The following ASAP1 variants were observed in gnomAD, a reference collection of about 807,000 sequenced individuals.
ASAP1 encodes ArfGAP with SH3 domain, ankyrin repeat and PH domain 1.
Under a neutral mutation model 145.2 loss-of-function variants are expected in ASAP1, and 43 were observed. The observed-to-expected ratio is 0.30, with a 90% confidence interval of 0.23 to 0.38. ASAP1 has a LOEUF of 0.38. Ranked by LOEUF, ASAP1 falls within the 10% of genes least tolerant of loss-of-function variation. The probability of loss-of-function intolerance (pLI) is 1.00; values close to 1 mark genes in which losing one functional copy is unlikely to be tolerated. For missense variants in ASAP1, 1,018 were observed against 1,355.3 expected (o/e 0.75, Z 3.91); for synonymous variants, 546 against 515.5 (o/e 1.06, Z -0.80).
intron 1 of ASAP1, among the ~76,000 whole-genome samples, chr8:130,436,957 T>A (rs1830333175): frequency 6.6e-6 from 1 of 151,560 alleles, no homozygotes; most frequent in South Asian, 2.1e-4. Context: ...ATACAAAAAT[T>A]AGCCAGGCGT....
At chr8:130,161,612 C>T (rs2097669409) in intron 11 of ASAP1, among the ~76,000 whole-genome samples, 1 of 152,138 alleles carries the variant, frequency 6.6e-6, no homozygotes, top group African/African-American at 2.4e-5. Context: ...CAAGCTGACT[C>T]ACATTAAAGA....
chr8:130,265,573 T>C (rs796912194), intron 3 of ASAP1, among the ~76,000 whole-genome samples: 49 of 119,500 alleles, frequency 4.1e-4, no homozygotes, highest in African/African-American at 1.5e-3. Context: ...ACCCTGTCTT[T>C]AAAAAAAAAA....
intron 1 of ASAP1, among the ~76,000 whole-genome samples, chr8:130,404,656 G>C (rs1828944682): frequency 6.6e-6 from 1 of 152,198 alleles, no homozygotes; most frequent in South Asian, 2.1e-4. Flanking sequence ...GACTGCATGA[G>C]TCTTCCCAGT....
In ASAP1 at chr8:130,196,690, T is replaced by C. The variant is rs192537453; in HGVS notation, c.406-8507A>G. On this transcript the variant is annotated intron_variant, in intron 5 of 29. Transcript: ENST00000518721. Reference sequence around the variant, plus strand: ...CTTGACATTCCCTCTCCACTGCCCATTGGTTCTCTCTCTCTCCATAACTGA... The same window carrying C: ...CTTGACATTCCCTCTCCACTGCCCACTGGTTCTCTCTCTCTCCATAACTGA... Among the ~76,000 whole-genome samples, 217 of 152,336 alleles carry C rather than the reference T, an allele frequency of 1.4e-3. 1 individual carries two copies. The highest frequency in any genetic ancestry group is 4.5e-3 in the African/African-American group (188 of 41,582).
chr8:130,267,127 A>AAAAAAACAAAAC (rs1161554842), intron 3 of ASAP1, among the ~76,000 whole-genome samples: 8 of 151,068 alleles, frequency 5.3e-5, no homozygotes, highest in African/African-American at 7.2e-5. Context: ...AACAAACAAA[A>AAAAAAACAAAAC]AAAAAACAAA....
At chr8:130,280,870 A>G (rs2137179739) in intron 3 of ASAP1, among the ~76,000 whole-genome samples, 1 of 152,230 alleles carries the variant, frequency 6.6e-6, no homozygotes, top group African/African-American at 2.4e-5. Context: ...CATTAATAGC[A>G]CCATTTCATT....
At chr8:130,286,240 T>C (rs192072127) in intron 3 of ASAP1, among the ~76,000 whole-genome samples, 1 of 152,318 alleles carries the variant, frequency 6.6e-6, no homozygotes. Flanking sequence ...TATAAAACAC[T>C]AGAAATAGGC....
chr8:130,231,664 G>A (rs1817915267), intron 4 of ASAP1, among the ~76,000 whole-genome samples: 1 of 152,212 alleles, frequency 6.6e-6, no homozygotes, highest in Middle Eastern at 3.2e-3. Context: ...CTGTACCTGT[G>A]TTGTGTGAGA....
chr8:130,253,224 T>A (rs1237149116), intron 3 of ASAP1, among the ~76,000 whole-genome samples: 2 of 152,190 alleles, frequency 1.3e-5, no homozygotes, highest in East Asian at 1.9e-4. Context: ...ACTACTTACA[T>A]GACCTGGGCC....
chr8:130,156,945 A>T lies in ASAP1; in HGVS notation c.1010+2919T>A, dbSNP rs567919337. On this transcript the variant is annotated intron_variant, in intron 12 of 29. Transcript: ENST00000518721. ...GAATTAGGCAATTCTAATTTCAAGA[A>T]GATCATTGTGATTTCGGGAGAGTAG... Among the ~76,000 whole-genome samples, 8 of 152,378 alleles carry T rather than the reference A, an allele frequency of 5.3e-5. No individual in the cohort carries two copies. The South Asian group carries it at 1.5e-3, about 28-fold the overall frequency.
At chr8:130,375,383 G>C (rs1827436418) in intron 2 of ASAP1, among the ~76,000 whole-genome samples, 1 of 150,942 alleles carries the variant, frequency 6.6e-6, no homozygotes, top group African/African-American at 2.4e-5. Flanking sequence ...GAGCAGCAGA[G>C]GAAAAAAAAA....
chr8:130,061,052 C>T lies in ASAP1; in HGVS notation c.2719G>A (p.Asp907Asn). Reference sequence around the variant, plus strand: ...GTGGCTTTGTCTAGGGAGAGATGATCTGTTTTCCTTAGTGCCACTGTGGAA... The same window carrying T: ...GTGGCTTTGTCTAGGGAGAGATGATTTGTTTTCCTTAGTGCCACTGTGGAA... ...LPQKVALRKT[D>N]HLSLDKATIP... Residue 907 changes from aspartate (D) to asparagine (N), a missense_variant, in exon 28 of 30, where the codon GAT becomes AAT. Coordinates refer to ENST00000518721, the MANE Select transcript of ASAP1 (RefSeq NM_018482.4). The T allele has an allele frequency of 6.6e-7, 1 of 1,526,340 alleles. No homozygotes were observed. Among genetic ancestry groups the T allele is most frequent in the Non-Finnish European group, 8.8e-7 (1 of 1,140,010 alleles). The allele number at this position is 1,526,340 out of a possible 1,614,324, so 94.5% of individuals were successfully genotyped here. A position where few individuals can be genotyped will look rare whatever the true frequency, so the allele number is the denominator to read the frequency against.
At position 130,330,968 on chromosome 8, in the gene ASAP1, C is replaced by T. The variant is rs527240114; in HGVS notation, c.186+27049G>A. 6.6e-5 allele frequency among the ~76,000 whole-genome samples: 10 copies of T among 152,182 alleles called. No individual in the cohort carries two copies. In the South Asian group the frequency reaches 8.3e-4, roughly 13 times the overall value. ...TCTCAGTAGCAGATGATATGGTGTA[C>T]CAAAAATGGGCTTTGGCATCAGAAA... is the stretch of plus-strand genomic sequence containing the variant. On this transcript the variant is annotated intron_variant, in intron 3 of 29. Coordinates refer to ENST00000518721, the MANE Select transcript of ASAP1 (RefSeq NM_018482.4).
chr8:130,416,379 A>G (rs1169074899), intron 1 of ASAP1, among the ~76,000 whole-genome samples: 1 of 152,244 alleles, frequency 6.6e-6, no homozygotes, highest in Non-Finnish European at 1.5e-5. Context: ...TGTTTGTTGA[A>G]TGAATTAATT....
chr8:130,266,242 G>A (rs955948193), intron 3 of ASAP1, among the ~76,000 whole-genome samples: 1 of 152,122 alleles, frequency 6.6e-6, no homozygotes, highest in Non-Finnish European at 1.5e-5. Flanking sequence ...GGTGCGGCTG[G>A]AGGAGTCTGA....
intron 24 of ASAP1, among the ~76,000 whole-genome samples, chr8:130,093,695 C>CAAAAAAA (rs1305014359): frequency 1.1e-5 from 1 of 93,562 alleles, no homozygotes; most frequent in African/African-American, 4.0e-5. Context: ...AAAAAGAAAG[C>CAAAAAAA]TAAGAACACT....
intron 3 of ASAP1, among the ~76,000 whole-genome samples, chr8:130,279,165 A>C (rs1253284999): frequency 1.3e-5 from 2 of 152,158 alleles, no homozygotes; most frequent in Non-Finnish European, 2.9e-5. Context: ...GGGAAAAAAA[A>C]TGAACAGAAG....
chr8:130,118,393 T>C lies in ASAP1; in HGVS notation c.1794+96A>G. 8 of 1,407,102 alleles carry C rather than the reference T, an allele frequency of 5.7e-6. No individual in the cohort carries two copies. The South Asian group carries it at 1.1e-4, about 19-fold the overall frequency. 87.2% of individuals were successfully genotyped at this position (1,407,102 alleles called of 1,614,324 possible). On this transcript the variant is annotated intron_variant, in intron 19 of 29. Coordinates refer to ENST00000518721, the MANE Select transcript of ASAP1 (RefSeq NM_018482.4). ...GATTTAGACATGGCCACCCAATGTA[T>C]AAGAATCTCATTATATGGTATAATG...
In ASAP1 at chr8:130,315,952, T is replaced by C. The variant is rs192871838; in HGVS notation, c.186+42065A>G. 2.6e-3 allele frequency among the ~76,000 whole-genome samples: 395 copies of C among 152,344 alleles called. 1 individual carries two copies. The highest frequency in any genetic ancestry group is 4.0e-3 in the Non-Finnish European group (269 of 68,032). ...CCTCTACCTGGTTTCATGGCTCATC[T>C]TCCCACTGGCATTGGCCACTCCCTT... On this transcript the variant is annotated intron_variant, in intron 3 of 29. Transcript: ENST00000518721.
Sources: gnomAD v4.1 joint callset for allele counts (sites outside exome capture counted in the v4.1 genomes callset) on GRCh38, gnomAD v4.1.1 for gene constraint, MANE v1.5 for transcripts, NCBI Gene and HGNC (gene_info 2026-07-23, HGNC 2026-07-21) for gene names.